The following CNTN1 variants were observed in gnomAD, a reference collection of about 807,000 sequenced individuals.
The protein encoded by CNTN1 is contactin-1.
In CNTN1, 38 loss-of-function variants were observed where a neutral mutation model predicts 126.4. That is an observed-to-expected ratio of 0.30 (90% confidence interval 0.23 to 0.39). CNTN1 has a LOEUF of 0.39. Ranked by LOEUF, CNTN1 falls within the 10% of genes least tolerant of loss-of-function variation. The pLI is 1.00. For synonymous variants in CNTN1, 413 were observed against 422.6 expected (o/e 0.98, Z 0.28); for missense variants, 1,009 against 1,248.4 (o/e 0.81, Z 2.89).
At chr12:40,779,848 T>C (rs927996876) in intron 1 of CNTN1, among the ~76,000 whole-genome samples, 1 of 152,004 alleles carries the variant, frequency 6.6e-6, no homozygotes, top group African/African-American at 2.4e-5. Context: ...AGCTAGATTA[T>C]GAAAGCTTTT....
chr12:40,873,668 C>G (rs933832879), intron 1 of CNTN1, among the ~76,000 whole-genome samples: 1 of 152,114 alleles, frequency 6.6e-6, no homozygotes, highest in Non-Finnish European at 1.5e-5. Context: ...CAAGGATCTT[C>G]CTTTTAGAAT....
intron 3 of CNTN1, among the ~76,000 whole-genome samples, chr12:40,915,651 AC>A (rs61525238): frequency 0.055 from 8,370 of 152,144 alleles, 412 homozygotes; most frequent in African/African-American, 0.13. Context: ...AAAACTCTTA[AC>A]CCTGAAGACC....
At chr12:40,782,179 G>C (rs1939830243) in intron 1 of CNTN1, among the ~76,000 whole-genome samples, 1 of 151,790 alleles carries the variant, frequency 6.6e-6, no homozygotes, top group African/African-American at 2.4e-5. Context: ...ATCATAAAGT[G>C]GGACAAATTC....
chr12:40,971,541 G>T, intron 15 of CNTN1: 1 of 1,580,988 alleles, frequency 6.3e-7, no homozygotes, highest in Non-Finnish European at 8.5e-7. Flanking sequence ...TTCTGTGAAA[G>T]ACTTTTTTTT....
rs767955232 is a variant in CNTN1, at chr12:41,020,407, A to G, written c.2490A>G (p.Glu830=). Residue 830 remains glutamate (E), a synonymous_variant, in exon 20 of 24, where the codon GAA becomes GAG. Coordinates refer to ENST00000551295, the MANE Select transcript of CNTN1 (RefSeq NM_001843.4). ...CTTCTGAGATATCTGTTCATTGGGA[A>G]CATGTTTTAGAAAAAATAGTGGAAA... The part of the protein sequence containing the change: ...LSSSEISVHW[E]HVLEKIVESY... 1 of 1,612,210 alleles carries G rather than the reference A, an allele frequency of 6.2e-7. No homozygotes were observed. Among genetic ancestry groups the G allele is most frequent in the East Asian group, 2.2e-5 (1 of 44,736 alleles).
intron 11 of CNTN1, among the ~76,000 whole-genome samples, chr12:40,938,950 A>G (rs1946171755): frequency 6.6e-6 from 1 of 151,792 alleles, no homozygotes; most frequent in African/African-American, 2.4e-5. Flanking sequence ...ATTTTTTTGT[A>G]TTTTAGGTAG....
At chr12:40,941,944 G>T (rs1391731263) in intron 12 of CNTN1, among the ~76,000 whole-genome samples, 1 of 151,942 alleles carries the variant, frequency 6.6e-6, no homozygotes, top group South Asian at 2.1e-4. Flanking sequence ...TAATCTCAAA[G>T]GCAAAGTACC....
chr12:40,820,643 G>A lies in CNTN1; in HGVS notation c.-76-87714G>A, dbSNP rs183720095. Among the ~76,000 whole-genome samples, 81 of 152,188 alleles carry A rather than the reference G, an allele frequency of 5.3e-4. No individual in the cohort carries two copies. In the East Asian group the frequency reaches 0.015, roughly 28 times the overall value. On this transcript the variant is annotated intron_variant, in intron 1 of 23. Coordinates refer to ENST00000551295, the MANE Select transcript of CNTN1 (RefSeq NM_001843.4). ...CACAATAATAATTCCTTTTTAGGGG[G>A]ATCACAGCATCTCCCTCTCCAGGTT...
intron 1 of CNTN1, among the ~76,000 whole-genome samples, chr12:40,780,080 A>G (rs1362952396): frequency 1.3e-5 from 2 of 151,916 alleles, no homozygotes; most frequent in East Asian, 1.9e-4. Context: ...CTCTTTTTAT[A>G]TCCTATTCTA....
intron 23 of CNTN1, among the ~76,000 whole-genome samples, chr12:41,057,262 A>G (rs528800076): frequency 6.8e-6 from 1 of 147,674 alleles, no homozygotes; most frequent in South Asian, 2.1e-4. Flanking sequence ...AAATATTTAG[A>G]TAATATTTTA....
At chr12:40,908,780 C>G (rs1332128140) in intron 2 of CNTN1, among the ~76,000 whole-genome samples, 1 of 152,038 alleles carries the variant, frequency 6.6e-6, no homozygotes, top group Non-Finnish European at 1.5e-5. Flanking sequence ...AGTAAATTAT[C>G]CTACCATGGC....
chr12:41,067,350 G>A (rs1592490641), intron 23 of CNTN1, among the ~76,000 whole-genome samples: 2 of 152,028 alleles, frequency 1.3e-5, no homozygotes, highest in Admixed American at 1.3e-4. Context: ...TTTCTTTCGA[G>A]CAGCCACAGT....
rs369798466 is a variant in CNTN1 at position 40,894,470 on chromosome 12, CTA to C, written c.-76-13884_-76-13883del. Among the ~76,000 whole-genome samples the C allele has an allele frequency of 2.9e-3, 439 of 152,242 alleles. 2 individuals carry two copies. Among genetic ancestry groups the C allele is most frequent in the African/African-American group, 0.01 (421 of 41,558 alleles). ...GTAACGCAAAATGTTAATGGAGAAA[CTA>C]TACAGGAGAGAAGGGATATATGGAA... On this transcript the variant is annotated intron_variant, in intron 1 of 23. Coordinates refer to ENST00000551295, the MANE Select transcript of CNTN1 (RefSeq NM_001843.4).
At chr12:40,897,697 C>T (rs148841183) in intron 1 of CNTN1, among the ~76,000 whole-genome samples, 150 of 152,078 alleles carry the variant, frequency 9.9e-4, no homozygotes, top group Middle Eastern at 6.8e-3. Context: ...AGCCCAAGAC[C>T]GTGTTGTGGA....
chr12:41,031,965 G>A (rs945987008), intron 23 of CNTN1, among the ~76,000 whole-genome samples: 2 of 151,864 alleles, frequency 1.3e-5, no homozygotes, highest in African/African-American at 4.8e-5. Context: ...TGGTTTTCAT[G>A]CCCTAAATAC....
intron 1 of CNTN1, among the ~76,000 whole-genome samples, chr12:40,823,058 A>G (rs1355267595): frequency 6.6e-6 from 1 of 152,188 alleles, no homozygotes; most frequent in Non-Finnish European, 1.5e-5. Flanking sequence ...TTAAACACAT[A>G]TATGTATGTA....
At chr12:40,854,338 A>T (rs1197554323) in intron 1 of CNTN1, among the ~76,000 whole-genome samples, 6 of 152,062 alleles carry the variant, frequency 3.9e-5, no homozygotes, top group Non-Finnish European at 7.4e-5. Context: ...TGAAAGTTTG[A>T]TTTATTTTGA....
intron 12 of CNTN1, among the ~76,000 whole-genome samples, chr12:40,940,004 G>A (rs764823792): frequency 6.6e-6 from 1 of 152,100 alleles, no homozygotes; most frequent in Non-Finnish European, 1.5e-5. Context: ...CAATGTTTTG[G>A]TGGTTTGGGG....
intron 23 of CNTN1, chr12:41,061,874 C>T (rs1452957683): frequency 2.2e-6 from 1 of 454,260 alleles, no homozygotes; most frequent in Non-Finnish European, 4.4e-6. Context: ...TAGCTATTGA[C>T]AGAACTAGAG....
Sources: allele counts gnomAD v4.1 joint callset (sites outside exome capture counted in the v4.1 genomes callset), GRCh38; gene constraint gnomAD v4.1.1; transcripts MANE v1.5; gene names NCBI Gene and HGNC (gene_info 2026-07-23, HGNC 2026-07-21).